The following EYA4 variants were observed in gnomAD, a reference collection of about 807,000 sequenced individuals.
The protein encoded by EYA4 is protein phosphatase EYA4.
Under a neutral mutation model 87.9 loss-of-function variants are expected in EYA4, and 31 were observed. That is an observed-to-expected ratio of 0.35 (90% CI 0.27 to 0.48). The LOEUF (loss-of-function observed/expected upper bound fraction) is 0.48. Ranked by LOEUF, EYA4 falls within the 20% of genes least tolerant of loss-of-function variation. The pLI is 0.99. For synonymous variants in EYA4, 263 were observed against 270.6 expected (o/e 0.97, Z 0.28); for missense variants, 678 against 761.4 (o/e 0.89, Z 1.29).
chr6:133,241,325 C>T (rs888168569), upstream of EYA4: 1 of 152,172 alleles, frequency 6.6e-6, no homozygotes, highest in Admixed American at 6.5e-5. Flanking sequence ...GCCGGCAGCG[C>T]GGCGCACGCT....
chr6:133,328,721 A>AC (rs1448382214), intron 2 of EYA4, among the ~76,000 whole-genome samples: 1 of 151,912 alleles, frequency 6.6e-6, no homozygotes, highest in Non-Finnish European at 1.5e-5. Context: ...AAACAAAAAA[A>AC]CCAGACAAAT....
At chr6:133,327,620 A>G (rs1781601951) in intron 2 of EYA4, among the ~76,000 whole-genome samples, 1 of 152,172 alleles carries the variant, frequency 6.6e-6, no homozygotes, top group Non-Finnish European at 1.5e-5. Flanking sequence ...TATTAGGAGG[A>G]TTTCTGCTCC....
intron 1 of EYA4, among the ~76,000 whole-genome samples, chr6:133,254,509 A>G (rs76181767): frequency 0.045 from 6,924 of 152,208 alleles, 571 homozygotes; most frequent in African/African-American, 0.16. Flanking sequence ...TTTTCCATAC[A>G]AAGATGAGCA....
chr6:133,399,484 G>GA (rs147715035), intron 3 of EYA4, among the ~76,000 whole-genome samples: 120 of 150,680 alleles, frequency 8.0e-4, no homozygotes, highest in African/African-American at 2.3e-3. Flanking sequence ...AAGCTGTTGA[G>GA]AAAAAAAAAT....
chr6:133,498,127 A>C (rs190245218), intron 13 of EYA4, among the ~76,000 whole-genome samples: 5 of 152,338 alleles, frequency 3.3e-5, no homozygotes, highest in Non-Finnish European at 5.9e-5. Flanking sequence ...ATGTTTGTGC[A>C]TTTGGACTAA....
At chr6:133,404,924 A>G (rs1026314218) in intron 3 of EYA4, among the ~76,000 whole-genome samples, 23 of 152,156 alleles carry the variant, frequency 1.5e-4, no homozygotes, top group Admixed American at 1.4e-3. Flanking sequence ...ATTTCATTCT[A>G]TTTTAAAACT....
intron 7 of EYA4, among the ~76,000 whole-genome samples, chr6:133,461,892 G>T (rs1393849942): frequency 6.8e-6 from 1 of 146,996 alleles, no homozygotes; most frequent in Non-Finnish European, 1.5e-5. Context: ...CGAATTCTTA[G>T]TAGGGCTTTT....
chr6:133,390,195 G>A (rs866721567), intron 3 of EYA4, among the ~76,000 whole-genome samples: 1 of 152,064 alleles, frequency 6.6e-6, no homozygotes, highest in African/African-American at 2.4e-5. Flanking sequence ...TGGGCTACCT[G>A]TTGTCCACTC....
At chr6:133,287,261 A>G (rs182905526) in intron 2 of EYA4, among the ~76,000 whole-genome samples, 2 of 152,370 alleles carry the variant, frequency 1.3e-5, no homozygotes, top group Non-Finnish European at 2.9e-5. Context: ...TAACAGTACT[A>G]TGCTATCAGC....
At chr6:133,337,143 C>T (rs1288258957) in intron 2 of EYA4, among the ~76,000 whole-genome samples, 10 of 151,984 alleles carry the variant, frequency 6.6e-5, no homozygotes, top group African/African-American at 2.2e-4. Flanking sequence ...ATACCTCCAG[C>T]GGGAACCTGG....
chr6:133,326,780 G>T (rs918227672), intron 2 of EYA4, among the ~76,000 whole-genome samples: 3 of 152,152 alleles, frequency 2.0e-5, no homozygotes, highest in Non-Finnish European at 2.9e-5. Flanking sequence ...CTCTTAATGG[G>T]CAGATTGCCA....
intron 2 of EYA4, among the ~76,000 whole-genome samples, chr6:133,300,075 T>C (rs1779280818): frequency 6.6e-6 from 1 of 152,082 alleles, no homozygotes; most frequent in Admixed American, 6.6e-5. Context: ...TTACGTATAT[T>C]ATGTACTGTA....
chr6:133,382,260 T>C, intron 2 of EYA4, 132 bp from the exon 3 acceptor site: 1 of 759,844 alleles, frequency 1.3e-6, no homozygotes, highest in South Asian at 1.4e-5. Context: ...TACTGTATGC[T>C]GCTGCTGTAA....
chr6:133,283,743 T>A (rs1043255619), intron 2 of EYA4, among the ~76,000 whole-genome samples: 1 of 152,212 alleles, frequency 6.6e-6, no homozygotes, highest in Non-Finnish European at 1.5e-5. Flanking sequence ...TGCATGGTGA[T>A]GAAGTCTGGG....
At chr6:133,513,641 T>G (rs1799350471) in intron 16 of EYA4, among the ~76,000 whole-genome samples, 1 of 152,144 alleles carries the variant, frequency 6.6e-6, no homozygotes, top group Admixed American at 6.6e-5. Context: ...CCTTCATATA[T>G]TTTACAGGTG....
intron 1 of EYA4, among the ~76,000 whole-genome samples, chr6:133,251,658 T>C (rs1774913449): frequency 6.6e-6 from 1 of 152,176 alleles, no homozygotes; most frequent in South Asian, 2.1e-4. Flanking sequence ...ATTCAGGGGA[T>C]ACTGTCCTGT....
chr6:133,257,798 A>G (rs539457410), intron 1 of EYA4, among the ~76,000 whole-genome samples: 5 of 152,318 alleles, frequency 3.3e-5, no homozygotes, highest in African/African-American at 1.2e-4. Flanking sequence ...TAATTTATCC[A>G]TTTCCTGACA....
chr6:133,464,565 C>T (rs1341528706), intron 9 of EYA4, among the ~76,000 whole-genome samples: 1 of 152,116 alleles, frequency 6.6e-6, no homozygotes, highest in African/African-American at 2.4e-5. Context: ...CCATGTGCTT[C>T]TGTTTAGCTC....
intron 17 of EYA4, among the ~76,000 whole-genome samples, chr6:133,518,612 T>C (rs766984474): frequency 1.7e-4 from 26 of 152,116 alleles, no homozygotes; most frequent in Non-Finnish European, 3.5e-4. Flanking sequence ...TAACGAAAGA[T>C]GTAAGAATAT....
Sources: allele counts gnomAD v4.1 joint callset (sites outside exome capture counted in the v4.1 genomes callset), GRCh38; gene constraint gnomAD v4.1.1; transcripts MANE v1.5; gene names NCBI Gene and HGNC (gene_info 2026-07-23, HGNC 2026-07-21).